PLCE1: variants seen among roughly 807,000 people sequenced by gnomAD.
The protein encoded by PLCE1 is 1-phosphatidylinositol 4,5-bisphosphate phosphodiesterase epsilon-1.
PLCE1 carries 119 observed loss-of-function variants against 242.8 expected under a neutral mutation model. The ratio of observed to expected loss-of-function variants is 0.49; its 90% CI spans 0.42 to 0.57. PLCE1 has a LOEUF of 0.57. Among genes scored for constraint, PLCE1 ranks in the 20% least tolerant of loss-of-function variants. The probability of loss-of-function intolerance (pLI) is 0.00; values close to 1 mark genes in which losing one functional copy is unlikely to be tolerated. For missense variants in PLCE1, 2,441 were observed against 2,788.8 expected, an observed-to-expected ratio of 0.88 and a Z score of 2.81; for synonymous variants, 945 against 1,017.4, an observed-to-expected ratio of 0.93 and a Z score of 1.35.
intron 2 of PLCE1, among the ~76,000 whole-genome samples, chr10:94,079,448 G>A (rs563286975): frequency 7.9e-5 from 12 of 152,206 alleles, no homozygotes; most frequent in African/African-American, 2.7e-4. Flanking sequence ...AGGGCCTGTC[G>A]TGGGGTGGGG....
chr10:94,134,509 G>A (rs753981087), intron 3 of PLCE1, among the ~76,000 whole-genome samples: 2 of 152,204 alleles, frequency 1.3e-5, no homozygotes, highest in Non-Finnish European at 2.9e-5. Context: ...AGTATGTAAA[G>A]CATATGTTAG....
intron 2 of PLCE1, among the ~76,000 whole-genome samples, chr10:94,067,146 C>A (rs896777644): frequency 1.1e-4 from 17 of 152,168 alleles, no homozygotes; most frequent in African/African-American, 4.1e-4. Flanking sequence ...GACCCTGTTA[C>A]CTCAGATATT....
intron 4 of PLCE1, among the ~76,000 whole-genome samples, chr10:94,215,021 C>T (rs537218738): frequency 6.6e-6 from 1 of 152,190 alleles, no homozygotes; most frequent in African/African-American, 2.4e-5. Flanking sequence ...CACTCTCACC[C>T]TCTGCTGCCC....
rs1359926008 is a variant in PLCE1, at chr10:94,070,293, C to T, written c.1206+38041C>T. 2.0e-5 allele frequency among the ~76,000 whole-genome samples: 3 copies of T among 152,140 alleles called. No homozygotes were observed. The East Asian group carries it at 5.8e-4, about 29-fold the overall frequency. On this transcript the variant is annotated intron_variant, in intron 2 of 32. Transcript: ENST00000371380. ...TTATTTTTAAACATAAAGAAGGAGG[C>T]ATACATTTTCTTATTAATAGAGGAT...
intron 2 of PLCE1, among the ~76,000 whole-genome samples, chr10:94,094,970 T>G (rs2045248575): frequency 6.6e-6 from 1 of 152,254 alleles, no homozygotes; most frequent in African/African-American, 2.4e-5. Flanking sequence ...TAAAAACTTA[T>G]TAGCAAAAAA....
intron 3 of PLCE1, among the ~76,000 whole-genome samples, chr10:94,163,103 G>A (rs1411291141): frequency 1.3e-5 from 2 of 152,138 alleles, no homozygotes; most frequent in East Asian, 1.9e-4. Flanking sequence ...GAATAGGTGT[G>A]GTGTGGTGCT....
rs756468155 is a variant in PLCE1, at chr10:94,298,647, G to A, written c.5436G>A (p.Val1812=). 6.8e-6 allele frequency: 11 copies of A among 1,614,090 alleles called. No individual in the cohort carries two copies. The South Asian group carries it at 9.9e-5, about 14-fold the overall frequency. The change falls in exon 24 of 33, where the codon GTG becomes GTA. Residue 1812 remains valine (V), a synonymous_variant. Transcript: ENST00000371380. This position sits in a 1 kb window ranked among gnomAD's most constrained non-coding sequence, Gnocchi z 5.2. ...LMFWLHGIQL[V]ALNYQTDDLP... ...TCTGGCTCCATGGGATACAGCTTGT[G>A]GCACTCAACTACCAGACTGATGGTA...
At chr10:94,000,426 A>G (rs578137510) in intron 1 of PLCE1, among the ~76,000 whole-genome samples, 3 of 152,204 alleles carry the variant, frequency 2.0e-5, no homozygotes, top group Non-Finnish European at 4.4e-5. Context: ...GTACCTATCA[A>G]ATAGGTTTTG....
At chr10:94,217,880 T>C (rs952607767) in intron 4 of PLCE1, among the ~76,000 whole-genome samples, 1 of 151,922 alleles carries the variant, frequency 6.6e-6, no homozygotes, top group African/African-American at 2.4e-5. Context: ...GAGGTGACAA[T>C]TTAGAGAAAA....
At chr10:94,241,183 A>G (rs2050492212) in intron 7 of PLCE1, among the ~76,000 whole-genome samples, 2 of 152,214 alleles carry the variant, frequency 1.3e-5, no homozygotes, top group South Asian at 4.1e-4. Flanking sequence ...GACGCCAAGA[A>G]AGACAGCGTC....
At chr10:94,026,412 A>C (rs1344214156) in intron 1 of PLCE1, among the ~76,000 whole-genome samples, 2 of 152,054 alleles carry the variant, frequency 1.3e-5, no homozygotes, top group Non-Finnish European at 2.9e-5. Context: ...GCACTTATCC[A>C]ATCTCCCCCA....
chr10:94,052,736 A>G (rs1431784818), intron 2 of PLCE1, among the ~76,000 whole-genome samples: 1 of 152,044 alleles, frequency 6.6e-6, no homozygotes, highest in Non-Finnish European at 1.5e-5. Context: ...TGGCTTTGGG[A>G]ATAAAGGTAG....
chr10:94,214,716 A>C (rs2049458484), intron 4 of PLCE1, among the ~76,000 whole-genome samples: 1 of 152,120 alleles, frequency 6.6e-6, no homozygotes, highest in Admixed American at 6.5e-5. Flanking sequence ...TAATTGGTGA[A>C]AATTTGCATT....
At chr10:94,282,916 T>C (rs892641134) in intron 20 of PLCE1, among the ~76,000 whole-genome samples, 4 of 152,190 alleles carry the variant, frequency 2.6e-5, no homozygotes, top group African/African-American at 9.7e-5. Context: ...TAGCATGACG[T>C]TGTGATACTT....
chr10:94,124,621 A>G (rs144844005), intron 2 of PLCE1, among the ~76,000 whole-genome samples: 2,052 of 152,210 alleles, frequency 0.013, 39 homozygotes, highest in African/African-American at 0.04. Context: ...TTTTCTTTTT[A>G]AAATCATTGT....
intron 26 of PLCE1, among the ~76,000 whole-genome samples, chr10:94,308,285 T>TA (rs2053272733): frequency 6.6e-6 from 1 of 152,196 alleles, no homozygotes; most frequent in Non-Finnish European, 1.5e-5. Flanking sequence ...GTTAGTCTGT[T>TA]AGTGCTTCAT....
chr10:94,082,715 C>G (rs1438518768), intron 2 of PLCE1, among the ~76,000 whole-genome samples: 1 of 152,098 alleles, frequency 6.6e-6, no homozygotes, highest in Non-Finnish European at 1.5e-5. Flanking sequence ...AAGATCAATA[C>G]ACAAAAATTA....
chr10:94,010,431 T>G (rs1462897078), intron 1 of PLCE1, among the ~76,000 whole-genome samples: 1 of 152,232 alleles, frequency 6.6e-6, no homozygotes, highest in Non-Finnish European at 1.5e-5. Flanking sequence ...TACTTGGCTC[T>G]CTTTTAGTCA....
intron 22 of PLCE1, among the ~76,000 whole-genome samples, chr10:94,289,248 G>A (rs1656614130): frequency 6.6e-6 from 1 of 152,106 alleles, no homozygotes; most frequent in African/African-American, 2.4e-5. Context: ...GCCCTGCAGA[G>A]CATGGCAGGC....
Sources: allele counts gnomAD v4.1 joint callset (sites outside exome capture counted in the v4.1 genomes callset), GRCh38; gene constraint gnomAD v4.1.1; non-coding constraint Gnocchi (gnomAD v3.1); transcripts MANE v1.5; gene names NCBI Gene and HGNC (gene_info 2026-07-23, HGNC 2026-07-21).